KALRN: variants seen among roughly 807,000 people sequenced by gnomAD.
KALRN encodes kalirin RhoGEF kinase.
A neutral mutation model predicts 353.7 loss-of-function variants in KALRN; 70 were observed. That is an observed-to-expected ratio of 0.20 (90% CI 0.16 to 0.24). KALRN has a LOEUF of 0.24. KALRN is among the 10% of genes least tolerant of loss of function. The pLI is 1.00. For synonymous variants in KALRN, 1,391 were observed against 1,434.8 expected (o/e 0.97, Z 0.69); for missense variants, 2,791 against 3,756.7 (o/e 0.74, Z 6.72).
At chr3:124,490,070 G>A (rs930101855) in intron 29 of KALRN, among the ~76,000 whole-genome samples, 2 of 152,022 alleles carry the variant, frequency 1.3e-5, no homozygotes, top group Admixed American at 1.3e-4. Flanking sequence ...ACCAGCCTGG[G>A]CAACATAGGG....
chr3:124,543,644 G>A (rs1364461480), intron 33 of KALRN, among the ~76,000 whole-genome samples: 2 of 151,396 alleles, frequency 1.3e-5, no homozygotes, highest in Admixed American at 6.6e-5. Context: ...TTTTAATGTG[G>A]CATTTTCTTT....
intron 1 of KALRN, among the ~76,000 whole-genome samples, chr3:124,183,548 A>G (rs1465524251): frequency 6.6e-6 from 1 of 152,200 alleles, no homozygotes; most frequent in Non-Finnish European, 1.5e-5. Context: ...GCATTTCAAC[A>G]TAAGATTTGG....
chr3:124,039,813 T>G (rs912500049), intron 1 of KALRN, among the ~76,000 whole-genome samples: 2 of 151,818 alleles, frequency 1.3e-5, no homozygotes, highest in East Asian at 3.9e-4. Context: ...TGCTCCAGAG[T>G]GTAAACACGA....
chr3:124,168,921 A>G (rs17285457), intron 1 of KALRN, among the ~76,000 whole-genome samples: 16,574 of 152,248 alleles, frequency 0.11, 1,182 homozygotes, highest in Middle Eastern at 0.2. Flanking sequence ...ACAAAGGCAC[A>G]TGATTAGACA....
At chr3:124,654,801 T>C (rs2083820073) in intron 38 of KALRN, among the ~76,000 whole-genome samples, 1 of 152,116 alleles carries the variant, frequency 6.6e-6, no homozygotes, top group South Asian at 2.1e-4. Context: ...TCTTTCTGTC[T>C]CTGCATTTTC....
intron 10 of KALRN, among the ~76,000 whole-genome samples, chr3:124,363,862 G>A (rs544746670): frequency 3.3e-5 from 5 of 152,066 alleles, no homozygotes; most frequent in Non-Finnish European, 7.3e-5. Flanking sequence ...ATAAGTTTAG[G>A]TCAGTAGGAC....
chr3:124,167,178 G>T (rs946425568), intron 1 of KALRN, among the ~76,000 whole-genome samples: 5 of 152,182 alleles, frequency 3.3e-5, no homozygotes. Context: ...CTGAGCGACT[G>T]GGCCCAGGGC....
intron 5 of KALRN, among the ~76,000 whole-genome samples, chr3:124,280,996 C>T (rs1283577040): frequency 6.6e-6 from 1 of 152,102 alleles, no homozygotes; most frequent in Non-Finnish European, 1.5e-5. Flanking sequence ...CAACATGGCA[C>T]ATGTATACCT....
chr3:124,363,225 T>C (rs989891779), intron 10 of KALRN, among the ~76,000 whole-genome samples: 9 of 152,350 alleles, frequency 5.9e-5, no homozygotes, highest in African/African-American at 2.2e-4. Flanking sequence ...TTTCCCTTTC[T>C]TCACTCTATG....
intron 11 of KALRN, among the ~76,000 whole-genome samples, chr3:124,388,898 T>C (rs1282381282): frequency 6.6e-6 from 1 of 152,190 alleles, no homozygotes; most frequent in South Asian, 2.1e-4. Flanking sequence ...TATTTGATCC[T>C]GAGTTCATTA....
rs945543739 is a variant in KALRN, at chr3:124,171,488, C to T, written c.74-56502C>T. On this transcript the variant is annotated intron_variant, in intron 1 of 59. Coordinates refer to ENST00000682506, the MANE Select transcript of KALRN (RefSeq NM_001388419.1). ...CAGAAGTGTTGAAAGAGAACGAGAG[C>T]GGAAGCTGCAACACCTCTTGAAGTT... 4.6e-5 allele frequency among the ~76,000 whole-genome samples: 7 copies of T among 152,268 alleles called. No homozygotes were observed. In the South Asian group the frequency reaches 6.2e-4, roughly 14 times the overall value.
At chr3:124,417,584 A>G (rs2092576391) in intron 14 of KALRN, among the ~76,000 whole-genome samples, 1 of 152,258 alleles carries the variant, frequency 6.6e-6, no homozygotes, top group Non-Finnish European at 1.5e-5. Context: ...ACCCAACCCC[A>G]ACGTTTAAAA....
rs759377501 is a variant in KALRN, at chr3:124,492,763, G to T, written c.4713G>T (p.Gln1571His). ...AGGCCTCCAACATTGAAACCAAGCA[G>T]GAGTGGATCAAGAACATTCGAGAAG... The part of the protein sequence containing the change: ...VLKASNIETK[Q>H]EWIKNIREVI... The change falls in exon 32 of 60, where the codon CAG becomes CAT. Residue 1571 changes from glutamine (Q) to histidine (H), a missense_variant. By Grantham distance (24) the Gln-to-His change is conservative. Around this residue, in one of 11 missense-constraint regions of KALRN, gnomAD observed 239 missense variants for 351.3 expected, o/e 0.68. Coordinates refer to ENST00000682506, the MANE Select transcript of KALRN (RefSeq NM_001388419.1). 1 of 1,614,000 alleles carries T rather than the reference G, an allele frequency of 6.2e-7. No homozygotes were observed. Among genetic ancestry groups the T allele is most frequent in the Non-Finnish European group, 8.5e-7 (1 of 1,179,972 alleles).
At chr3:124,109,739 T>C (rs11705907) in intron 1 of KALRN, among the ~76,000 whole-genome samples, 7,969 of 122,074 alleles carry the variant, frequency 0.065, 29 homozygotes, top group East Asian at 0.26. Flanking sequence ...CTTTGATATA[T>C]ATATGACATA....
chr3:124,686,565 G>A (rs549610379), intron 51 of KALRN, among the ~76,000 whole-genome samples: 2 of 152,226 alleles, frequency 1.3e-5, no homozygotes, highest in South Asian at 4.2e-4. Flanking sequence ...CCTGGCACAT[G>A]CTGAGCAGGT....
At chr3:124,519,849 C>G (rs553905099) in intron 33 of KALRN, 3 of 985,334 alleles carry the variant, frequency 3.0e-6, no homozygotes, top group South Asian at 9.4e-5. Context: ...GATTCTAAAG[C>G]AGGCTGTTGA....
intron 11 of KALRN, among the ~76,000 whole-genome samples, chr3:124,385,970 C>T (rs900494627): frequency 2.6e-5 from 4 of 152,016 alleles, no homozygotes; most frequent in Non-Finnish European, 5.9e-5. Context: ...AAAAAATAGC[C>T]CTACTTAATT....
At chr3:124,520,627 G>A (rs1035829640) in intron 33 of KALRN, among the ~76,000 whole-genome samples, 1 of 152,164 alleles carries the variant, frequency 6.6e-6, no homozygotes, top group Non-Finnish European at 1.5e-5. Flanking sequence ...GTGCCAGAAA[G>A]GTTGGGGACC....
chr3:124,425,486 G>A (rs1196112796), intron 15 of KALRN, among the ~76,000 whole-genome samples: 1 of 152,166 alleles, frequency 6.6e-6, no homozygotes, highest in Non-Finnish European at 1.5e-5. Context: ...ATAGGAGCAG[G>A]CATGGCCTAA....
Sources: allele counts gnomAD v4.1 joint callset (sites outside exome capture counted in the v4.1 genomes callset), GRCh38; gene constraint gnomAD v4.1.1; regional missense constraint gnomAD v4.1.1; transcripts MANE v1.5; gene names NCBI Gene and HGNC (gene_info 2026-07-23, HGNC 2026-07-21).